The following PDE8B variants were observed in gnomAD, a reference collection of about 807,000 sequenced individuals.
The protein encoded by PDE8B is high affinity cAMP-specific and IBMX-insensitive 3',5'-cyclic phosphodiesterase 8B.
A neutral mutation model predicts 101.3 loss-of-function variants in PDE8B; 26 were observed. The observed-to-expected ratio is 0.26, with a 90% CI of 0.19 to 0.36. The LOEUF is 0.36. PDE8B is among the 10% of genes least tolerant of loss of function. The pLI, the probability that PDE8B is intolerant of heterozygous loss-of-function variation, is 1.00. For missense variants in PDE8B, 810 were observed against 1,163.1 expected (o/e 0.70, Z 4.42); for synonymous variants, 424 against 429.3 (o/e 0.99, Z 0.15).
At chr5:77,120,764 G>T in the PDE8B span, among the ~76,000 whole-genome samples, 15 of 152,330 alleles carry the variant, frequency 9.8e-5, no homozygotes, top group Middle Eastern at 3.4e-3. Context: ...TGTCAGGACC[G>T]TTGAGGAGTT....
In PDE8B at chr5:77,408,857, A is replaced by G. The variant is rs757959149; in HGVS notation, c.1366-36A>G. 7 of 1,563,540 alleles carry G rather than the reference A, an allele frequency of 4.5e-6. No individual in the cohort carries two copies. The Admixed American group carries it at 5.0e-5, about 11-fold the overall frequency. ...TATGACTTTTGGGAAGTAGAACCCT[A>G]TTATCCTCAGATGTATTCTTTCTTC... is the stretch of plus-strand genomic sequence containing the variant. On this transcript the variant is annotated intron_variant, in intron 13 of 21. Coordinates refer to ENST00000264917, the MANE Select transcript of PDE8B (RefSeq NM_003719.5).
chr5:77,290,251 G>A, intron 1 of PDE8B: 3 of 1,552,834 alleles, frequency 1.9e-6, no homozygotes, highest in Admixed American at 3.8e-5. Flanking sequence ...GGACCTTGGA[G>A]CAGGCCTGCT....
At chr5:77,339,444 G>GGT (rs1359488347) in intron 6 of PDE8B, among the ~76,000 whole-genome samples, 1 of 151,970 alleles carries the variant, frequency 6.6e-6, no homozygotes, top group Admixed American at 6.6e-5. Flanking sequence ...CGCCCTTTTG[G>GGT]GTGTGTGTGT....
chr5:77,124,785 T>C, the PDE8B span, among the ~76,000 whole-genome samples: 1 of 151,610 alleles, frequency 6.6e-6, no homozygotes. Flanking sequence ...ACAGTGAACA[T>C]AATGACACAG....
At chr5:77,248,612 CA>C (rs1428374457) in intron 1 of PDE8B, among the ~76,000 whole-genome samples, 1 of 152,152 alleles carries the variant, frequency 6.6e-6, no homozygotes, top group Admixed American at 6.5e-5. Context: ...GACACACTAA[CA>C]ACACATCAGA....
the PDE8B span, among the ~76,000 whole-genome samples, chr5:77,179,333 C>T: frequency 1.3e-5 from 2 of 152,200 alleles, no homozygotes; most frequent in Non-Finnish European, 2.9e-5. Flanking sequence ...TCAGCAGGAA[C>T]AGATTGTTGT....
At chr5:77,329,968 C>T (rs1486340303) in intron 4 of PDE8B, among the ~76,000 whole-genome samples, 1 of 152,148 alleles carries the variant, frequency 6.6e-6, no homozygotes, top group Admixed American at 6.5e-5. Flanking sequence ...CCTGCTACTC[C>T]TTGAGTGTCT....
At chr5:77,319,749 G>C (rs1447695634) in intron 2 of PDE8B, among the ~76,000 whole-genome samples, 1 of 152,192 alleles carries the variant, frequency 6.6e-6, no homozygotes, top group Admixed American at 6.5e-5. Flanking sequence ...ATTAATGAAA[G>C]GAGCTCTGGG....
intron 1 of PDE8B, among the ~76,000 whole-genome samples, chr5:77,252,039 A>C (rs994810198): frequency 6.6e-6 from 1 of 152,156 alleles, no homozygotes; most frequent in African/African-American, 2.4e-5. Context: ...GTGTGGTTAC[A>C]TGTGCTCATG....
intron 10 of PDE8B, among the ~76,000 whole-genome samples, chr5:77,391,644 G>T (rs1472317168): frequency 6.6e-6 from 1 of 152,206 alleles, no homozygotes; most frequent in Non-Finnish European, 1.5e-5. Flanking sequence ...TGCACCTGCT[G>T]GCCTTGGGCT....
chr5:77,245,680 C>T (rs975768376), intron 1 of PDE8B, among the ~76,000 whole-genome samples: 7 of 152,228 alleles, frequency 4.6e-5, no homozygotes, highest in African/African-American at 1.7e-4. Flanking sequence ...TTGACCCTCA[C>T]AGCAGCCCCG....
chr5:77,311,648 A>G (rs1371985632), intron 1 of PDE8B, among the ~76,000 whole-genome samples: 2 of 152,250 alleles, frequency 1.3e-5, no homozygotes, highest in African/African-American at 2.4e-5. Context: ...TAGGTGCTCA[A>G]TAAATAATTA....
intron 1 of PDE8B, among the ~76,000 whole-genome samples, chr5:77,257,530 A>C (rs200000105): frequency 2.4e-4 from 36 of 152,334 alleles, no homozygotes; most frequent in Middle Eastern, 3.4e-3. Flanking sequence ...GGACATAATA[A>C]TACTAAAATA....
chr5:77,101,435 C>A, the PDE8B span, among the ~76,000 whole-genome samples: 2 of 152,150 alleles, frequency 1.3e-5, no homozygotes, highest in African/African-American at 2.4e-5. Flanking sequence ...TCAGGATGAT[C>A]CAGCTTGCCT....
chr5:77,256,728 A>T (rs1251426341), intron 1 of PDE8B, among the ~76,000 whole-genome samples: 2 of 152,228 alleles, frequency 1.3e-5, no homozygotes, highest in Non-Finnish European at 2.9e-5. Context: ...GATAATAATG[A>T]GGTACTGCAA....
intron 1 of PDE8B, among the ~76,000 whole-genome samples, chr5:77,277,684 T>G (rs1764115485): frequency 6.6e-6 from 1 of 152,232 alleles, no homozygotes; most frequent in African/African-American, 2.4e-5. Flanking sequence ...TTTGTTCATT[T>G]TACAGGAAAT....
Position 77,211,332 on chromosome 5 carries a change from G to C in PDE8B, c.339+68G>C. The C allele has an allele frequency of 1.4e-6, 2 of 1,447,818 alleles. No homozygotes were observed. The highest frequency in any genetic ancestry group is 1.8e-6 in the Non-Finnish European group (2 of 1,085,546). 89.7% of individuals were successfully genotyped at this position (1,447,818 alleles called of 1,614,324 possible). A position where few individuals can be genotyped will look rare whatever the true frequency, so the allele number is the denominator to read the frequency against. ...CCGTCGGCGGGGCTCGCACGGGTAG[G>C]GGGCTCCGGCGGAGTTGGGTGACCG... On this transcript the variant is annotated intron_variant, in intron 1 of 21. Coordinates refer to ENST00000264917, the MANE Select transcript of PDE8B (RefSeq NM_003719.5). The surrounding 1 kb of genome is among the most constrained non-coding windows in gnomAD (Gnocchi z 4.1).
the PDE8B span, among the ~76,000 whole-genome samples, chr5:77,167,130 C>T: frequency 6.6e-6 from 1 of 152,238 alleles, no homozygotes; most frequent in Non-Finnish European, 1.5e-5. Flanking sequence ...CTCCACAACT[C>T]TCCTAGATCC....
At chr5:77,185,828 T>C in the PDE8B span, among the ~76,000 whole-genome samples, 1 of 152,202 alleles carries the variant, frequency 6.6e-6, no homozygotes, top group Non-Finnish European at 1.5e-5. Context: ...GCAAATTTTA[T>C]TGATGGCATT....
Sources: allele counts gnomAD v4.1 joint callset (sites outside exome capture counted in the v4.1 genomes callset), GRCh38; gene constraint gnomAD v4.1.1; non-coding constraint Gnocchi (gnomAD v3.1); transcripts MANE v1.5; gene names NCBI Gene and HGNC (gene_info 2026-07-23, HGNC 2026-07-21).